The following CRIM1 variants were observed in gnomAD, a reference collection of about 807,000 sequenced individuals.
CRIM1 encodes the protein cysteine-rich motor neuron 1 protein.
Under a neutral mutation model 116.4 loss-of-function variants are expected in CRIM1, and 32 were observed. The observed-to-expected ratio is 0.27, with a 90% CI of 0.21 to 0.37. CRIM1 has a LOEUF of 0.37. CRIM1 is among the 10% of genes least tolerant of loss of function. CRIM1 has a pLI of 1.00. For synonymous variants in CRIM1, 590 were observed against 509.2 expected (o/e 1.16, Z -2.13); for missense variants, 1,331 against 1,354.8 (o/e 0.98, Z 0.28).
At chr2:36,449,383 G>A (rs1471235446) in intron 4 of CRIM1, among the ~76,000 whole-genome samples, 2 of 152,192 alleles carry the variant, frequency 1.3e-5, no homozygotes, top group Non-Finnish European at 2.9e-5. Flanking sequence ...CTCCAGTCCT[G>A]CCTCTCAGGA....
intron 16 of CRIM1, among the ~76,000 whole-genome samples, chr2:36,547,638 A>G (rs1161148162): frequency 6.6e-6 from 1 of 152,144 alleles, no homozygotes; most frequent in African/African-American, 2.4e-5. Context: ...AGGTCAGTGC[A>G]CCAAAGGCAA....
At position 36,486,199 on chromosome 2, in the gene CRIM1, A is replaced by AGCT. The variant is rs560418961; in HGVS notation, c.1372+6506_1372+6507insCTG. ...ATTTTGTGATTTTTCACAGCTATATAGAAATATGTACATTATATGAGTGGC... is the reference window on the plus strand; with the variant it reads ...ATTTTGTGATTTTTCACAGCTATATAGCTGAAATATGTACATTATATGAGTGGC... On this transcript the variant is annotated intron_variant, in intron 7 of 16. Transcript: ENST00000280527. Among the ~76,000 whole-genome samples, 16 of 152,360 alleles carry AGCT rather than the reference A, an allele frequency of 1.1e-4. No homozygotes were observed. The South Asian group carries it at 2.9e-3, about 28-fold the overall frequency.
At chr2:36,495,776 G>T (rs1307029339) in intron 7 of CRIM1, among the ~76,000 whole-genome samples, 1 of 151,936 alleles carries the variant, frequency 6.6e-6, no homozygotes, top group Admixed American at 6.6e-5. Flanking sequence ...ATTAGTAATA[G>T]GATCAGTTCT....
chr2:36,375,464 A>G (rs1396618299), intron 1 of CRIM1, among the ~76,000 whole-genome samples: 4 of 152,246 alleles, frequency 2.6e-5, no homozygotes, highest in Admixed American at 1.3e-4. Flanking sequence ...CATAAACGGT[A>G]TACAAAATGA....
intron 7 of CRIM1, among the ~76,000 whole-genome samples, chr2:36,496,230 G>A (rs1431412263): frequency 6.6e-6 from 1 of 152,186 alleles, no homozygotes; most frequent in African/African-American, 2.4e-5. Flanking sequence ...GATGCCAAGT[G>A]TTAAAATGTC....
intron 8 of CRIM1, among the ~76,000 whole-genome samples, chr2:36,508,321 C>A (rs1681574529): frequency 2.0e-5 from 3 of 152,198 alleles, no homozygotes; most frequent in Admixed American, 1.3e-4. Context: ...ATATTGCCAA[C>A]TGAGATTCAC....
At chr2:36,472,339 C>T (rs1364676301) in intron 5 of CRIM1, among the ~76,000 whole-genome samples, 3 of 152,134 alleles carry the variant, frequency 2.0e-5, no homozygotes, top group Non-Finnish European at 4.4e-5. Flanking sequence ...TTATCATATA[C>T]TTTTCTTAAG....
At chr2:36,393,989 A>G (rs1273827811) in intron 1 of CRIM1, among the ~76,000 whole-genome samples, 1 of 152,168 alleles carries the variant, frequency 6.6e-6, no homozygotes, top group Non-Finnish European at 1.5e-5. Flanking sequence ...ATCTGGGGAC[A>G]TTGTGGGGAA....
intron 1 of CRIM1, among the ~76,000 whole-genome samples, chr2:36,388,139 A>G (rs969471282): frequency 6.6e-6 from 1 of 152,154 alleles, no homozygotes; most frequent in Non-Finnish European, 1.5e-5. Flanking sequence ...CCAAATATAT[A>G]CAGAAGTAGA....
intron 13 of CRIM1, among the ~76,000 whole-genome samples, chr2:36,535,921 G>A (rs564932788): frequency 9.3e-4 from 141 of 152,330 alleles, no homozygotes; most frequent in African/African-American, 3.2e-3. Flanking sequence ...GATGTGAGTA[G>A]GTATATACAA....
At chr2:36,495,698 A>G (rs1224871861) in intron 7 of CRIM1, among the ~76,000 whole-genome samples, 1 of 152,066 alleles carries the variant, frequency 6.6e-6, no homozygotes, top group Non-Finnish European at 1.5e-5. Context: ...CTTTGGAGCT[A>G]ATTATTTAGC....
intron 4 of CRIM1, among the ~76,000 whole-genome samples, chr2:36,463,631 G>T (rs1286959758): frequency 1.3e-5 from 2 of 152,154 alleles, no homozygotes; most frequent in Non-Finnish European, 2.9e-5. Context: ...ACACCCAGCT[G>T]CCCTAAGTTT....
chr2:36,375,242 C>G (rs1009211942), intron 1 of CRIM1, among the ~76,000 whole-genome samples: 1 of 152,140 alleles, frequency 6.6e-6, no homozygotes, highest in East Asian at 1.9e-4. Flanking sequence ...CAGCAAGGGA[C>G]CTACAAAATT....
chr2:36,393,957 GT>G (rs1187218737), intron 1 of CRIM1, among the ~76,000 whole-genome samples: 1 of 152,208 alleles, frequency 6.6e-6, no homozygotes, highest in Non-Finnish European at 1.5e-5. Context: ...TACTGGGCAG[GT>G]TTGTTTTTTG....
intron 13 of CRIM1, among the ~76,000 whole-genome samples, chr2:36,534,484 G>A (rs1373288721): frequency 7.3e-6 from 1 of 136,218 alleles, no homozygotes; most frequent in East Asian, 2.3e-4. Flanking sequence ...AATATAGGCA[G>A]GAAGGAAGGG....
At chr2:36,363,842 T>G (rs1227192237) in intron 1 of CRIM1, among the ~76,000 whole-genome samples, 1 of 152,142 alleles carries the variant, frequency 6.6e-6, no homozygotes, top group Admixed American at 6.5e-5. Flanking sequence ...AAGAAACAGC[T>G]CGACGCCATG....
At chr2:36,426,945 G>C in intron 2 of CRIM1, among the ~76,000 whole-genome samples, 1 of 152,204 alleles carries the variant, frequency 6.6e-6, no homozygotes, top group Non-Finnish European at 1.5e-5. Flanking sequence ...GCTCACGCCT[G>C]TAATCCCAGC....
At chr2:36,415,422 G>A (rs1673537602) in intron 2 of CRIM1, among the ~76,000 whole-genome samples, 1 of 152,194 alleles carries the variant, frequency 6.6e-6, no homozygotes, top group African/African-American at 2.4e-5. Flanking sequence ...CAGCTCTTCA[G>A]CTTTGTCTTG....
intron 1 of CRIM1, among the ~76,000 whole-genome samples, chr2:36,357,611 T>C (rs72785157): frequency 0.087 from 13,230 of 152,190 alleles, 668 homozygotes; most frequent in East Asian, 0.14. Flanking sequence ...GTGAGTTATT[T>C]TGATGTGGCT....
Sources: gnomAD v4.1 joint callset for allele counts (sites outside exome capture counted in the v4.1 genomes callset) on GRCh38, gnomAD v4.1.1 for gene constraint, MANE v1.5 for transcripts, NCBI Gene and HGNC (gene_info 2026-07-23, HGNC 2026-07-21) for gene names.